Variants in ZNF613 observed in about 807,000 individuals in gnomAD.
ZNF613 encodes zinc finger protein 613.
In ZNF613, 8 loss-of-function variants were observed where a neutral mutation model predicts 14.3. That is an observed-to-expected ratio of 0.56 (90% confidence interval 0.33 to 1.01). The LOEUF (loss-of-function observed/expected upper bound fraction) is 1.01, where lower values mean the gene tolerates loss of function less well. Ranked by LOEUF, ZNF613 falls within the 50% of genes least tolerant of loss-of-function variation. The pLI is 0.03. For synonymous variants in ZNF613, 228 were observed against 254.5 expected (o/e 0.90, Z 0.99); for missense variants, 656 against 741.9 (o/e 0.88, Z 1.35).
At chr19:51,930,473 G>C (rs2085255753) in intron 2 of ZNF613, among the ~76,000 whole-genome samples, 1 of 152,074 alleles carries the variant, frequency 6.6e-6, no homozygotes, top group African/African-American at 2.4e-5. Context: ...CGTTGGCCAG[G>C]CTGGTCTCAA....
intron 5 of ZNF613, 48 bp from the exon 6 acceptor site, chr19:51,944,071 G>A (rs2085371612): frequency 6.8e-7 from 1 of 1,473,596 alleles, no homozygotes; most frequent in Non-Finnish European, 9.0e-7. Context: ...TTGTGAAATA[G>A]TTCTATTCCA....
chr19:51,935,862 T>C (rs147804462), intron 2 of ZNF613, among the ~76,000 whole-genome samples, 166 bp from the exon 3 acceptor site: 214 of 152,332 alleles, frequency 1.4e-3, no homozygotes, highest in African/African-American at 5.0e-3. Flanking sequence ...TAGAATCTTA[T>C]GTTTTGTTGC....
chr19:51,945,416 G>C lies in ZNF613; in HGVS notation c.1533G>C (p.Pro511=), dbSNP rs11880193. Residue 511 remains proline (P), a synonymous_variant, in exon 6 of 6, where the codon CCG becomes CCC. Transcript: ENST00000293471. ...GGAGAACTCATACAGGGGAGAGACC[G>C]TATGGATGCTCTGATTGTGGGAAAG... ...RHRRTHTGER[P]YGCSDCGKAF... 0.12 allele frequency: 196,096 copies of C among 1,613,950 alleles called. 14,923 individuals carry two copies. The highest frequency in any genetic ancestry group is 0.31 in the African/African-American group (22,907 of 74,932).
Position 51,944,173 on chromosome 19 carries a change from T to C in ZNF613, c.290T>C (p.Leu97Pro), listed in dbSNP as rs748188114. 4.5e-6 allele frequency: 7 copies of C among 1,572,186 alleles called. No homozygotes were observed. The highest frequency in any genetic ancestry group is 6.0e-6 in the Non-Finnish European group (7 of 1,159,288). Residue 97 changes from leucine to proline, a missense_variant, in exon 6 of 6, where the codon CTG (leucine) becomes CCG (proline). Transcript: ENST00000293471. ...ATGCACTCACAAAAGCAAAGATGTC[T>C]GAAGAGAGTGGAACAATGCCATAAA... is the stretch of plus-strand genomic sequence containing the variant. ...LQMHSQKQRCLKRVEQCHKHN... is the reference protein window; with the variant it reads ...LQMHSQKQRCPKRVEQCHKHN...
chr19:51,930,185 T>C (rs1415017967), intron 2 of ZNF613, among the ~76,000 whole-genome samples: 2 of 152,202 alleles, frequency 1.3e-5, no homozygotes, highest in African/African-American at 4.8e-5. Flanking sequence ...TGTTTTCTTC[T>C]AATTTACTCT....
chr19:51,940,379 A>G (rs2085338572), intron 4 of ZNF613, 44 bp downstream of exon 4: 5 of 1,612,444 alleles, frequency 3.1e-6, no homozygotes, highest in Middle Eastern at 1.7e-4. Flanking sequence ...ACCCAGTCAA[A>G]GGCCTTTGCT....
At chr19:51,934,989 G>A (rs900399774) in intron 2 of ZNF613, among the ~76,000 whole-genome samples, 4 of 152,202 alleles carry the variant, frequency 2.6e-5, no homozygotes, top group African/African-American at 9.7e-5. Flanking sequence ...AGCATTTGCA[G>A]CTGTGGGTTA....
rs2085400167 is a variant in ZNF613, at chr19:51,946,132, G to A, written c.*395G>A. 5.8e-6 allele frequency: 1 copy of A among 172,312 alleles called. No homozygotes were observed. Among genetic ancestry groups the A allele is most frequent in the African/African-American group, 2.4e-5 (1 of 41,788 alleles). The allele number at this position is 172,312 out of a possible 1,614,324, so 10.7% of individuals were successfully genotyped here. ...TGGTACATTCTGCCTTATCCTCAGAGGGAATCATATAGAAATAAAACTATG... is the reference window on the plus strand; with the variant it reads ...TGGTACATTCTGCCTTATCCTCAGAAGGAATCATATAGAAATAAAACTATG... On this transcript the variant is annotated 3_prime_UTR_variant, in exon 6 of 6. Transcript: ENST00000293471.
Position 51,945,306 on chromosome 19 carries a change from C to A in ZNF613, c.1423C>A (p.Gln475Lys). 6.2e-7 allele frequency: 1 copy of A among 1,614,098 alleles called. No individual in the cohort carries two copies. The highest frequency in any genetic ancestry group is 8.5e-7 in the Non-Finnish European group (1 of 1,180,024). ...CSHKSGLINH[Q>K]RIHTGEKPYT... The stretch of plus-strand genomic sequence containing the variant: ...ACACAAGTCAGGTCTCATTAACCAC[C>A]AGAGAATTCACACAGGAGAGAAACC... Residue 475 changes from glutamine (Q) to lysine (K), a missense_variant, in exon 6 of 6, where the codon CAG (glutamine) becomes AAG (lysine). Physicochemically the swap from Gln to Lys is moderately conservative, Grantham distance 53. Coordinates refer to ENST00000293471, the MANE Select transcript of ZNF613 (RefSeq NM_001031721.4).
At chr19:51,928,812 G>C (rs1190757995) in intron 1 of ZNF613, among the ~76,000 whole-genome samples, 3 of 143,686 alleles carry the variant, frequency 2.1e-5, no homozygotes, top group Non-Finnish European at 4.5e-5. Context: ...CTATGATTGA[G>C]CACTGCACTC....
At chr19:51,932,397 C>T (rs1165522252) in intron 2 of ZNF613, among the ~76,000 whole-genome samples, 2 of 148,592 alleles carry the variant, frequency 1.3e-5, no homozygotes, top group South Asian at 4.3e-4. Context: ...GCAGCCTCTG[C>T]CTCCCGGGTT....
chr19:51,937,736 T>C (rs913713021), intron 3 of ZNF613, among the ~76,000 whole-genome samples: 5 of 147,578 alleles, frequency 3.4e-5, no homozygotes, highest in African/African-American at 7.5e-5. Flanking sequence ...TTTTTTTTTT[T>C]TTTTTTTTTT....
Position 51,944,605 on chromosome 19 carries a change from T to C in ZNF613, c.722T>C (p.Phe241Ser), listed in dbSNP as rs2085378452. 6.2e-7 allele frequency: 1 copy of C among 1,614,158 alleles called. No individual in the cohort carries two copies. The highest frequency in any genetic ancestry group is 1.1e-5 in the South Asian group (1 of 91,088). Residue 241 changes from phenylalanine (F) to serine (S), a missense_variant, in exon 6 of 6, where the codon TTC becomes TCC. Phe to Ser is a radical substitution (Grantham distance 155). Coordinates refer to ENST00000293471, the MANE Select transcript of ZNF613 (RefSeq NM_001031721.4). ...PHGCSICGKA[F>S]SRKSGLTEHQ... Reference sequence around the variant, plus strand: ...GGATGCAGTATATGTGGGAAAGCCTTCTCCAGAAAGTCCGGGCTCACTGAA... The same window carrying C: ...GGATGCAGTATATGTGGGAAAGCCTCCTCCAGAAAGTCCGGGCTCACTGAA...
Position 51,944,494 on chromosome 19 carries a change from A to G in ZNF613, c.611A>G (p.His204Arg), listed in dbSNP as rs777833468. ...CGAACTCAAAACATAGATAAACCCC[A>G]TGTATGCACTGAGTGTGGGAAGGCT... ...HQRTQNIDKP[H>R]VCTECGKAFL... Residue 204 changes from histidine (H) to arginine (R), a missense_variant, in exon 6 of 6, where the codon CAT becomes CGT. Coordinates refer to ENST00000293471, the MANE Select transcript of ZNF613 (RefSeq NM_001031721.4). The G allele has an allele frequency of 6.2e-7, 1 of 1,608,358 alleles. No individual in the cohort carries two copies. The highest frequency in any genetic ancestry group is 8.5e-7 in the Non-Finnish European group (1 of 1,175,988).
intron 2 of ZNF613, among the ~76,000 whole-genome samples, chr19:51,933,148 C>T (rs1235221096): frequency 6.6e-6 from 1 of 152,152 alleles, no homozygotes; most frequent in Non-Finnish European, 1.5e-5. Context: ...CTTCTTAGGT[C>T]TTTTCTCAGC....
At position 51,936,240 on chromosome 19, in the gene ZNF613, CT is replaced by C. The variant is rs2085304344; in HGVS notation, c.15+10del. On this transcript the variant is annotated splice_donor_region_variant and intron_variant, in intron 3 of 5. Coordinates refer to ENST00000293471, the MANE Select transcript of ZNF613 (RefSeq NM_001031721.4). ...AAGAAAATGATCAAGTCCCAGGTGA[CT>C]TTTTGTTTGTTTTAGTCTTTCCTTC... 1 of 1,601,678 alleles carries C rather than the reference CT, an allele frequency of 6.2e-7. No individual in the cohort carries two copies. Among genetic ancestry groups the C allele is most frequent in the Non-Finnish European group, 8.5e-7 (1 of 1,173,914 alleles).
rs555080841 is a variant in ZNF613, at chr19:51,929,904, G to A, written c.-194+8G>A. The A allele has an allele frequency of 6.6e-6, 1 of 152,202 alleles. No individual in the cohort carries two copies. The highest frequency in any genetic ancestry group is 2.4e-5 in the African/African-American group (1 of 41,536). The allele number at this position is 152,202 out of a possible 1,614,324, so 9.4% of individuals were successfully genotyped here. A position where few individuals can be genotyped will look rare whatever the true frequency, so the allele number is the denominator to read the frequency against. ...TTTTTGGTGCATTTCAAAGTAAGTTGCAGACATTCATACATTTGCCCCTGA... is the reference window on the plus strand; with the variant it reads ...TTTTTGGTGCATTTCAAAGTAAGTTACAGACATTCATACATTTGCCCCTGA... On this transcript the variant is annotated splice_region_variant and intron_variant, in intron 2 of 5. Coordinates refer to ENST00000293471, the MANE Select transcript of ZNF613 (RefSeq NM_001031721.4).
chr19:51,945,041 T>C lies in ZNF613; in HGVS notation c.1158T>C (p.Asn386=). Residue 386 remains asparagine, a synonymous_variant, in exon 6 of 6, where the codon AAT becomes AAC. Coordinates refer to ENST00000293471, the MANE Select transcript of ZNF613 (RefSeq NM_001031721.4). ...GAAAAGGCTTCATTCAGAAGGGAAATCTCATTGTACATCAGCGAATTCATA... is the reference window on the plus strand; with the variant it reads ...GAAAAGGCTTCATTCAGAAGGGAAACCTCATTGTACATCAGCGAATTCATA... ...DCGKGFIQKG[N]LIVHQRIHTG... The C allele has an allele frequency of 6.2e-7, 1 of 1,614,046 alleles. No homozygotes were observed. Among genetic ancestry groups the C allele is most frequent in the Non-Finnish European group, 8.5e-7 (1 of 1,180,000 alleles).
intron 2 of ZNF613, among the ~76,000 whole-genome samples, chr19:51,930,435 TATTTTTGGTAGAGACGGGGTTTTGCC>T (rs1194566047): frequency 1.3e-5 from 2 of 152,108 alleles, no homozygotes; most frequent in African/African-American, 2.4e-5. Flanking sequence ...CTAATTTTTG[TATTTTTGGTAGAGACGGGGTTTTGCC>T]ACGTTGGCCA....
Sources: allele counts gnomAD v4.1 joint callset (sites outside exome capture counted in the v4.1 genomes callset), GRCh38; gene constraint gnomAD v4.1.1; transcripts MANE v1.5; gene names NCBI Gene and HGNC (gene_info 2026-07-23, HGNC 2026-07-21).